Variants in CADPS2 observed in about 807,000 individuals in gnomAD.
CADPS2 encodes the protein calcium-dependent secretion activator 2.
In CADPS2, 93 loss-of-function variants were observed where a neutral mutation model predicts 172.5. The observed-to-expected ratio is 0.54, with a 90% CI of 0.46 to 0.64. CADPS2 has a LOEUF of 0.64. Ranked by LOEUF, CADPS2 falls within the 30% of genes least tolerant of loss-of-function variation. CADPS2 has a pLI of 0.00. For synonymous variants in CADPS2, 546 were observed against 555.2 expected, an observed-to-expected ratio of 0.98 and a Z score of 0.23; for missense variants, 1,420 against 1,565.9, an observed-to-expected ratio of 0.91 and a Z score of 1.57.
At position 122,360,774 on chromosome 7, in the gene CADPS2, T is replaced by C. The variant is rs1563146346; in HGVS notation, c.3504+14A>G. The stretch of plus-strand genomic sequence containing the variant: ...ATTCCATACAGTTTTAAAAAGCAGA[T>C]AAAAAATACTTACTGGAACATCAAC... On this transcript the variant is annotated intron_variant, in intron 27 of 29. Transcript: ENST00000449022. 1 of 1,546,628 alleles carries C rather than the reference T, an allele frequency of 6.5e-7. No individual in the cohort carries two copies.
intron 24 of CADPS2, chr7:122,382,350 T>C (rs1248219612): frequency 6.6e-6 from 1 of 152,166 alleles, no homozygotes; most frequent in African/African-American, 2.4e-5. Context: ...GCATTTAAAA[T>C]AAGGCAAGTC....
At chr7:122,788,708 T>C (rs767692949) in intron 1 of CADPS2, among the ~76,000 whole-genome samples, 3 of 152,142 alleles carry the variant, frequency 2.0e-5, no homozygotes, top group Non-Finnish European at 4.4e-5. Flanking sequence ...GATTGCACTA[T>C]GCCAAGACTT....
chr7:122,823,586 A>G (rs1211613046), intron 1 of CADPS2, among the ~76,000 whole-genome samples: 1 of 152,164 alleles, frequency 6.6e-6, no homozygotes, highest in Non-Finnish European at 1.5e-5. Context: ...AGAATTTCTA[A>G]CAATCTTTAG....
chr7:122,621,715 T>C lies in CADPS2; in HGVS notation c.870A>G (p.Glu290=). The part of the protein sequence containing the change: ...RLQLADKMAK[E]RKFPKFIAKD... ...TTGCTATAAATTTGGGGAATTTTCT[T>C]TCCTTGAAAATAATTTTTAAAATAA... is the stretch of plus-strand genomic sequence containing the variant. Residue 290 remains glutamate (E), a splice_region_variant and synonymous_variant, in exon 5 of 30, where the codon GAA becomes GAG. Coordinates refer to ENST00000449022, the MANE Select transcript of CADPS2 (RefSeq NM_017954.11). 2 of 1,537,898 alleles carry C rather than the reference T, an allele frequency of 1.3e-6. No homozygotes were observed. Among genetic ancestry groups the C allele is most frequent in the Non-Finnish European group, 1.8e-6 (2 of 1,128,804 alleles).
At chr7:122,848,276 C>G (rs534761065) in intron 1 of CADPS2, among the ~76,000 whole-genome samples, 1 of 152,118 alleles carries the variant, frequency 6.6e-6, no homozygotes, top group Non-Finnish European at 1.5e-5. Flanking sequence ...CCTTCCTCTG[C>G]GACAGAGCCC....
At chr7:122,719,891 A>G (rs1037909276) in intron 2 of CADPS2, among the ~76,000 whole-genome samples, 1 of 152,026 alleles carries the variant, frequency 6.6e-6, no homozygotes, top group African/African-American at 2.4e-5. Flanking sequence ...AAGAAAAACT[A>G]CCTCTCTGCA....
intron 7 of CADPS2, among the ~76,000 whole-genome samples, chr7:122,577,003 C>T (rs1587502572): frequency 6.6e-6 from 1 of 152,032 alleles, no homozygotes. Context: ...TCAGGTGATC[C>T]CCCTGCCTCG....
At position 122,881,745 on chromosome 7, in the gene CADPS2, G is replaced by T. The variant is rs182969191; in HGVS notation, c.339+4254C>A. On this transcript the variant is annotated intron_variant, in intron 1 of 29. Coordinates refer to ENST00000449022, the MANE Select transcript of CADPS2 (RefSeq NM_017954.11). ...CTCTGGGGCTTGCTAGAAACATCAG[G>T]AAAGTGTTACTTTGAATTCACTAGT... 1.1e-4 allele frequency among the ~76,000 whole-genome samples: 16 copies of T among 152,220 alleles called. No homozygotes were observed. In the East Asian group the frequency reaches 3.1e-3, roughly 29 times the overall value.
intron 2 of CADPS2, among the ~76,000 whole-genome samples, chr7:122,715,863 C>T (rs2089521740): frequency 6.6e-6 from 1 of 152,086 alleles, no homozygotes; most frequent in Non-Finnish European, 1.5e-5. Flanking sequence ...CATGATTTTG[C>T]TCCTCTAGAT....
At chr7:122,630,793 A>G (rs1289264414) in intron 3 of CADPS2, among the ~76,000 whole-genome samples, 1 of 152,174 alleles carries the variant, frequency 6.6e-6, no homozygotes, top group East Asian at 1.9e-4. Flanking sequence ...AAAAGGCCTG[A>G]GATTACCTGT....
chr7:122,602,435 T>C (rs1363679932), intron 6 of CADPS2, among the ~76,000 whole-genome samples: 2 of 152,060 alleles, frequency 1.3e-5, no homozygotes, highest in South Asian at 2.1e-4. Context: ...TCTGAAGCTA[T>C]ACATAAGTCA....
chr7:122,669,261 C>T (rs2081508954), intron 2 of CADPS2, among the ~76,000 whole-genome samples: 1 of 151,746 alleles, frequency 6.6e-6, no homozygotes, highest in African/African-American at 2.4e-5. Context: ...ATCCCAAAAG[C>T]TGGAGGTTGT....
intron 20 of CADPS2, among the ~76,000 whole-genome samples, chr7:122,406,193 A>G (rs527521816): frequency 2.0e-5 from 3 of 152,282 alleles, no homozygotes; most frequent in African/African-American, 7.2e-5. Flanking sequence ...TCACAGACTC[A>G]AAGAGGTGAA....
chr7:122,587,031 C>T (rs890336472), intron 6 of CADPS2, among the ~76,000 whole-genome samples: 5 of 151,572 alleles, frequency 3.3e-5, no homozygotes, highest in East Asian at 1.9e-4. Context: ...AATAAGGATC[C>T]AGCAACAGGG....
At chr7:122,583,765 TAAC>T (rs1278264377) in intron 6 of CADPS2, among the ~76,000 whole-genome samples, 5 of 151,278 alleles carry the variant, frequency 3.3e-5, no homozygotes, top group South Asian at 4.2e-4. Flanking sequence ...ATCATGTACA[TAAC>T]AATATCATAT....
Position 122,592,731 on chromosome 7 carries a change from A to G in CADPS2, c.1224-11441T>C, listed in dbSNP as rs1488458723. Among the ~76,000 whole-genome samples the G allele has an allele frequency of 4.6e-5, 7 of 151,814 alleles. No homozygotes were observed. In the East Asian group the frequency reaches 5.8e-4, roughly 13 times the overall value. ...AAACCATCATTCTGAGCAAACTATC[A>G]CAAGGACAGAAAACCAAACACCGCA... is the stretch of plus-strand genomic sequence containing the variant. On this transcript the variant is annotated intron_variant, in intron 6 of 29. Transcript: ENST00000449022.
intron 8 of CADPS2, among the ~76,000 whole-genome samples, chr7:122,530,974 G>C (rs539857861): frequency 1.3e-5 from 2 of 152,216 alleles, no homozygotes; most frequent in East Asian, 3.9e-4. Flanking sequence ...TCCCTGGTGG[G>C]CGTAAGATAG....
intron 1 of CADPS2, among the ~76,000 whole-genome samples, chr7:122,844,489 C>T (rs1811422287): frequency 6.6e-6 from 1 of 152,124 alleles, no homozygotes; most frequent in Admixed American, 6.5e-5. Flanking sequence ...CAAAGAACAT[C>T]TATAATATTC....
rs577277328 is a variant in CADPS2 at position 122,498,634 on chromosome 7, T to C, written c.1543-7214A>G. Among the ~76,000 whole-genome samples, 4 of 152,310 alleles carry C rather than the reference T, an allele frequency of 2.6e-5. No homozygotes were observed. The South Asian group carries it at 8.3e-4, about 32-fold the overall frequency. On this transcript the variant is annotated intron_variant, in intron 9 of 29. Transcript: ENST00000449022. ...TTTCTCTTCAGATGTGTCTAACCTA[T>C]TGCTTACCCTGTCTATGGAGGTTCT...
Sources: gnomAD v4.1 joint callset for allele counts (sites outside exome capture counted in the v4.1 genomes callset) on GRCh38, gnomAD v4.1.1 for gene constraint, MANE v1.5 for transcripts, NCBI Gene and HGNC (gene_info 2026-07-23, HGNC 2026-07-21) for gene names.